The following CAPS2 variants were observed in gnomAD, a reference collection of about 807,000 sequenced individuals.
The protein encoded by CAPS2 is calcyphosin-2.
In CAPS2, 98 loss-of-function variants were observed where a neutral mutation model predicts 86.5. That is an observed-to-expected ratio of 1.13 (90% CI 0.96 to 1.34). CAPS2 has a LOEUF of 1.34. CAPS2 is among the 40% of genes most tolerant of loss of function. The pLI, the probability that CAPS2 is intolerant of heterozygous loss-of-function variation, is 0.00. For missense variants in CAPS2, 729 were observed against 686.8 expected (o/e 1.06, Z -0.69); for synonymous variants, 210 against 225.1 (o/e 0.93, Z 0.60).
chr12:75,291,566 AGTAT>A lies in CAPS2; in HGVS notation c.1240+174_1240+177del, dbSNP rs1474070144. 1.2e-3 allele frequency among the ~76,000 whole-genome samples: 51 copies of A among 41,814 alleles called. 2 individuals are homozygous for A. Among genetic ancestry groups the A allele is most frequent in the Non-Finnish European group, 1.6e-3 (40 of 24,494 alleles). 27.4% of individuals were successfully genotyped at this position (41,814 alleles called of 152,430 possible). Reference sequence around the variant, plus strand: ...TATATATATATAGCTTATTTTTAAAAGTATATATATATATATATATATATATATA... The same window carrying A: ...TATATATATATAGCTTATTTTTAAAAATATATATATATATATATATATATA... On this transcript the variant is annotated intron_variant, in intron 13 of 16. Transcript: ENST00000393284.
intron 1 of CAPS2, among the ~76,000 whole-genome samples, chr12:75,335,371 T>G (rs73364071): frequency 6.6e-6 from 1 of 152,132 alleles, no homozygotes; most frequent in Non-Finnish European, 1.5e-5. Context: ...TTGAAAAAAA[T>G]ACAGTACTCT....
At chr12:75,367,308 C>T (rs968281334) in intron 1 of CAPS2, among the ~76,000 whole-genome samples, 9 of 146,312 alleles carry the variant, frequency 6.2e-5, no homozygotes, top group Non-Finnish European at 1.0e-4. Flanking sequence ...TTGACTCTTT[C>T]GTAGTAACAC....
intron 1 of CAPS2, among the ~76,000 whole-genome samples, chr12:75,367,169 G>A (rs886265677): frequency 4.0e-5 from 6 of 151,550 alleles, no homozygotes; most frequent in East Asian, 3.9e-4. Flanking sequence ...CCCAAAAGGC[G>A]GGGGGTTCTC....
At chr12:75,289,592 T>G (rs773276589) in intron 14 of CAPS2, 29 bp downstream of exon 14, 4 of 1,580,962 alleles carry the variant, frequency 2.5e-6, no homozygotes, top group East Asian at 4.5e-5. Flanking sequence ...ACATATTATC[T>G]GCTGCAGAGA....
At position 75,369,621 on chromosome 12, in the gene CAPS2, T is replaced by A. The variant is rs1000951573; in HGVS notation, c.-395+21217A>T. The A allele has an allele frequency of 4.7e-5, 46 of 984,776 alleles. No individual in the cohort carries two copies. In the African/African-American group the frequency reaches 8.0e-4, roughly 17 times the overall value. The allele number at this position is 984,776 out of a possible 1,614,324, so 61.0% of individuals were successfully genotyped here. ...GTTAATGAGTTCTGCATACAAAAAA[T>A]TCAACATGAAGAAATTACGTTTCTT... On this transcript the variant is annotated intron_variant, in intron 1 of 5. Coordinates refer to the CAPS2 transcript ENST00000551829.
intron 1 of CAPS2, among the ~76,000 whole-genome samples, chr12:75,372,970 G>C (rs574595113): frequency 6.6e-6 from 1 of 152,320 alleles, no homozygotes; most frequent in Admixed American, 6.5e-5. Context: ...CCCAGATCCA[G>C]AGTACATGTC....
chr12:75,381,614 G>A (rs1204197177), intron 1 of CAPS2, among the ~76,000 whole-genome samples: 1 of 87,920 alleles, frequency 1.1e-5, no homozygotes, highest in African/African-American at 4.7e-5. Context: ...TTTCTTAAGT[G>A]TTTTTTTTTT....
intron 11 of CAPS2, among the ~76,000 whole-genome samples, chr12:75,296,164 A>G (rs777518699): frequency 5.3e-5 from 8 of 152,000 alleles, no homozygotes; most frequent in Non-Finnish European, 1.0e-4. Context: ...CCTGTAAATA[A>G]TTATTATGTT....
intron 1 of CAPS2, among the ~76,000 whole-genome samples, chr12:75,337,372 A>C (rs532055014): frequency 9.7e-4 from 148 of 151,980 alleles, no homozygotes; most frequent in African/African-American, 3.3e-3. Context: ...TTAATGAAGA[A>C]AGACACAACT....
At chr12:75,306,138 C>T (rs569140536) in intron 7 of CAPS2, 1 of 1,119,124 alleles carries the variant, frequency 8.9e-7, no homozygotes, top group Non-Finnish European at 1.3e-6. Context: ...TGCGGAAGCT[C>T]ATCACCGAGG....
At chr12:75,328,263 C>A (rs1297847181), upstream of CAPS2, among the ~76,000 whole-genome samples, 1 of 152,164 alleles carries the variant, frequency 6.6e-6, no homozygotes, top group African/African-American at 2.4e-5. Context: ...GAGATAAGGA[C>A]GCTGAACAAT....
chr12:75,336,463 T>G (rs1056603858), intron 1 of CAPS2, among the ~76,000 whole-genome samples: 2 of 151,662 alleles, frequency 1.3e-5, no homozygotes, highest in Admixed American at 6.6e-5. Context: ...AGTAAAAAGA[T>G]GGAAAAAATA....
chr12:75,332,150 T>C (rs917581655), upstream of CAPS2, among the ~76,000 whole-genome samples: 1 of 152,226 alleles, frequency 6.6e-6, no homozygotes, highest in African/African-American at 2.4e-5. Flanking sequence ...ATATATACTC[T>C]ACTTTTGCCA....
chr12:75,316,459 G>A (rs2039773460), intron 5 of CAPS2, 25 bp from the exon 6 acceptor site: 4 of 1,520,156 alleles, frequency 2.6e-6, no homozygotes, highest in Non-Finnish European at 3.5e-6. Flanking sequence ...AATAAATGAA[G>A]CATCATACAC....
At chr12:75,385,754 G>A (rs1393033685) in intron 1 of CAPS2, among the ~76,000 whole-genome samples, 1 of 152,174 alleles carries the variant, frequency 6.6e-6, no homozygotes, top group African/African-American at 2.4e-5. Context: ...AAGGTTGCAG[G>A]ATACGAGGTT....
chr12:75,332,183 G>A (rs2041375684), upstream of CAPS2, among the ~76,000 whole-genome samples: 1 of 152,106 alleles, frequency 6.6e-6, no homozygotes, highest in Non-Finnish European at 1.5e-5. Flanking sequence ...ATTACTCTAT[G>A]AAATTTCTGT....
rs1020433326 is a variant in CAPS2 at position 75,281,143 on chromosome 12, T to C, written c.1612+1108A>G. Among the ~76,000 whole-genome samples the C allele has an allele frequency of 3.3e-5, 5 of 151,810 alleles. No individual in the cohort carries two copies. The South Asian group carries it at 6.2e-4, about 19-fold the overall frequency. On this transcript the variant is annotated intron_variant, in intron 16 of 16. Coordinates refer to ENST00000393284, the Ensembl canonical transcript of CAPS2. ...GGCAAAGTGAAATTTTTTGGCAAAG[T>C]TGTGGAGGAAAAGAACTCTTCAACA...
chr12:75,376,181 AG>A (rs1232280196), intron 1 of CAPS2, among the ~76,000 whole-genome samples: 5 of 152,324 alleles, frequency 3.3e-5, no homozygotes, highest in Non-Finnish European at 7.3e-5. Context: ...CAGCTAACCA[AG>A]CAAATAAACT....
At chr12:75,323,330 G>A (rs182451134) in intron 2 of CAPS2, 108 bp from the exon 4 acceptor site, 1,206 of 829,680 alleles carry the variant, frequency 1.5e-3, no homozygotes, top group Admixed American at 5.9e-3. Context: ...AACCAATAGT[G>A]CCATGGCTTC....
Sources: allele counts gnomAD v4.1 joint callset (sites outside exome capture counted in the v4.1 genomes callset), GRCh38; gene constraint gnomAD v4.1.1; transcripts MANE v1.5; gene names NCBI Gene and HGNC (gene_info 2026-07-23, HGNC 2026-07-21).